The following BARD1 variants were observed in gnomAD, a reference collection of about 807,000 sequenced individuals.
BARD1 encodes BRCA1-associated RING domain protein 1.
In BARD1, 73 loss-of-function variants were observed where a neutral mutation model predicts 77.0. The ratio of observed to expected loss-of-function variants is 0.95; its 90% CI spans 0.79 to 1.15. The LOEUF (loss-of-function observed/expected upper bound fraction) is 1.15. Among genes scored for constraint, BARD1 ranks in the 50% most tolerant of loss-of-function variants. The pLI is 0.00. For synonymous variants in BARD1, 384 were observed against 338.0 expected (o/e 1.14, Z -1.49); for missense variants, 993 against 938.8 (o/e 1.06, Z -0.75).
chr2:214,732,327 G>C (rs937709597), intron 9 of BARD1, among the ~76,000 whole-genome samples: 13 of 152,028 alleles, frequency 8.6e-5, no homozygotes, highest in African/African-American at 2.9e-4. Context: ...TCCTGCGATT[G>C]CATCTAATAT....
rs753686197 is a variant in BARD1 at position 214,809,511 on chromosome 2, G to A, written c.59C>T (p.Pro20Leu). The part of the protein sequence containing the change: ...RQPRIRSGNE[P>L]RSAPAMEPDG... ...CGGTTCCATGGCGGGCGCGGAACGAGGCTCGTTCCCGGAGCGGATCCTCGG... is the reference window on the plus strand; with the variant it reads ...CGGTTCCATGGCGGGCGCGGAACGAAGCTCGTTCCCGGAGCGGATCCTCGG... The change falls in exon 1 of 11, where the codon CCT becomes CTT. Residue 20 changes from proline (P) to leucine (L), a missense_variant. Coordinates refer to ENST00000260947, the MANE Select transcript of BARD1 (RefSeq NM_000465.4). 2.4e-5 allele frequency: 39 copies of A among 1,600,468 alleles called. 1 individual carries two copies. In the South Asian group the frequency reaches 4.2e-4, roughly 17 times the overall value.
At chr2:214,735,987 C>T (rs952577921) in intron 9 of BARD1, among the ~76,000 whole-genome samples, 6 of 151,896 alleles carry the variant, frequency 4.0e-5, no homozygotes, top group African/African-American at 1.5e-4. Context: ...AGATCTCTCT[C>T]CCCCATTTTT....
intron 1 of BARD1, among the ~76,000 whole-genome samples, chr2:214,799,795 A>G (rs987959058): frequency 2.6e-5 from 4 of 152,136 alleles, no homozygotes; most frequent in African/African-American, 9.7e-5. Flanking sequence ...TTCTTAAATG[A>G]GTGCTCCATA....
At chr2:214,745,247 T>C (rs911795489) in intron 8 of BARD1, 88 bp from the exon 9 acceptor site, 2 of 1,168,236 alleles carry the variant, frequency 1.7e-6, no homozygotes, top group East Asian at 2.5e-5. Context: ...CTATATTTTG[T>C]AAGCTTATAT....
chr2:214,808,825 T>C (rs1696407238), intron 1 of BARD1, among the ~76,000 whole-genome samples: 1 of 152,244 alleles, frequency 6.6e-6, no homozygotes, highest in African/African-American at 2.4e-5. Context: ...AGACATACAG[T>C]CTTTTGAGCA....
In BARD1 at chr2:214,752,449, C is replaced by T. The variant is rs2106038526; in HGVS notation, c.1675G>A (p.Val559Ile). 1.2e-6 allele frequency: 2 copies of T among 1,604,970 alleles called. No individual in the cohort carries two copies. The highest frequency in any genetic ancestry group is 8.5e-7 in the Non-Finnish European group (1 of 1,171,860). The change falls in exon 7 of 11, where the codon GTA becomes ATA. Residue 559 changes from valine to isoleucine, a missense_variant and splice_region_variant. Physicochemically the swap from Val to Ile is conservative, Grantham distance 29 (BLOSUM62 3). Transcript: ENST00000260947. ...NESSSASHCS[V>I]MNTGQRRDGP... is the part of the protein sequence containing the mutation. ...CCCAAAGCTAAATCCATACTTACTA[C>T]TGAGCAGTGGCTAGCTGAGGATGAT...
At chr2:214,785,070 TTTCTTCCCTC>T (rs1695210851) in intron 3 of BARD1, among the ~76,000 whole-genome samples, 2 of 104,450 alleles carry the variant, frequency 1.9e-5, no homozygotes, top group African/African-American at 6.1e-5. Flanking sequence ...ATAGAAGCCT[TTTCTTCCCTC>T]TACCTCTTCC....
intron 7 of BARD1, among the ~76,000 whole-genome samples, chr2:214,746,903 T>A (rs1329317159): frequency 6.6e-6 from 1 of 151,978 alleles, no homozygotes; most frequent in Admixed American, 6.6e-5. Flanking sequence ...GAAACTACCA[T>A]CAGAGTGAAC....
intron 3 of BARD1, among the ~76,000 whole-genome samples, chr2:214,784,337 C>T (rs532544433): frequency 6.6e-6 from 1 of 152,138 alleles, no homozygotes; most frequent in Admixed American, 6.5e-5. Context: ...TATCATCTCA[C>T]GCCAGTTAGA....
At position 214,726,570 on chromosome 2, in the gene BARD1, A is replaced by C. The variant is rs1485901973; in HGVS notation, c.*2106T>G. The stretch of plus-strand genomic sequence containing the variant: ...TGTTAGTTAATAGACTTCCTCACCA[A>C]GTCATGTTGAGCCTCATTCAACAGC... On this transcript the variant is annotated 3_prime_UTR_variant, in exon 11 of 11. Coordinates refer to ENST00000260947, the MANE Select transcript of BARD1 (RefSeq NM_000465.4). 4.4e-6 allele frequency: 1 copy of C among 229,260 alleles called. No individual in the cohort carries two copies. The highest frequency in any genetic ancestry group is 2.2e-5 in the African/African-American group (1 of 45,176). 14.2% of individuals were successfully genotyped at this position (229,260 alleles called of 1,614,324 possible).
At chr2:214,729,417 T>C (rs939708904) in intron 10 of BARD1, among the ~76,000 whole-genome samples, 8 of 152,298 alleles carry the variant, frequency 5.3e-5, no homozygotes, top group Admixed American at 2.6e-4. Context: ...ATTTTAGATG[T>C]TGGATTAGGA....
chr2:214,761,823 A>T (rs1182969122), intron 6 of BARD1, among the ~76,000 whole-genome samples: 1 of 152,150 alleles, frequency 6.6e-6, no homozygotes, highest in African/African-American at 2.4e-5. Context: ...GTACTTTTTT[A>T]AAAAAGGAAG....
chr2:214,787,688 A>G (rs1030881096), intron 3 of BARD1, among the ~76,000 whole-genome samples: 1 of 151,968 alleles, frequency 6.6e-6, no homozygotes, highest in Non-Finnish European at 1.5e-5. Flanking sequence ...AGTACATCAC[A>G]AAATATTGAG....
At chr2:214,806,666 G>A (rs1369222956) in intron 1 of BARD1, among the ~76,000 whole-genome samples, 5 of 152,124 alleles carry the variant, frequency 3.3e-5, no homozygotes, top group East Asian at 1.9e-4. Context: ...TTGAGGTCAG[G>A]AGTTGGAGAC....
At chr2:214,749,640 C>CTATG (rs1693307652) in intron 7 of BARD1, among the ~76,000 whole-genome samples, 1 of 152,116 alleles carries the variant, frequency 6.6e-6, no homozygotes, top group Admixed American at 6.5e-5. Context: ...CTTGGTTATG[C>CTATG]TATGCTCTGT....
rs773352623 is a variant in BARD1 at position 214,809,576 on chromosome 2, G to A, written c.-7C>T. On this transcript the variant is annotated 5_prime_UTR_variant, in exon 1 of 11. Coordinates refer to ENST00000260947, the MANE Select transcript of BARD1 (RefSeq NM_000465.4). ...GCTGCCGATTATCCGGCATCGTCCC[G>A]CCTTCGGATGAAAGGCTCCTCGCAG... is the stretch of plus-strand genomic sequence containing the variant. 1.3e-6 allele frequency: 2 copies of A among 1,541,402 alleles called. No individual in the cohort carries two copies. The highest frequency in any genetic ancestry group is 1.2e-5 in the South Asian group (1 of 85,212).
At chr2:214,729,159 G>A (rs1401377632) in intron 10 of BARD1, 151 bp from the exon 11 acceptor site, 20 of 984,776 alleles carry the variant, frequency 2.0e-5, no homozygotes, top group Non-Finnish European at 3.0e-5. Context: ...AATTTTTTGG[G>A]TTTTGGAAAA....
chr2:214,760,098 T>A (rs921814918), intron 6 of BARD1, among the ~76,000 whole-genome samples: 4 of 152,164 alleles, frequency 2.6e-5, no homozygotes, highest in African/African-American at 9.7e-5. Context: ...AAGCTCTCAG[T>A]TATCTTTATA....
chr2:214,751,984 C>A (rs2053710), intron 7 of BARD1, among the ~76,000 whole-genome samples: 1 of 152,016 alleles, frequency 6.6e-6, no homozygotes, highest in South Asian at 2.1e-4. Flanking sequence ...AACATTCAGG[C>A]TTCAATTCAA....
Sources: gnomAD v4.1 joint callset for allele counts (sites outside exome capture counted in the v4.1 genomes callset) on GRCh38, gnomAD v4.1.1 for gene constraint, MANE v1.5 for transcripts, NCBI Gene and HGNC (gene_info 2026-07-23, HGNC 2026-07-21) for gene names.